FHAD1: variants seen among roughly 807,000 people sequenced by gnomAD.
FHAD1 encodes the protein forkhead-associated domain-containing protein 1.
In FHAD1, 146 loss-of-function variants were observed where a neutral mutation model predicts 191.3. The observed-to-expected ratio is 0.76, with a 90% CI of 0.67 to 0.88. The LOEUF is 0.88. Among genes scored for constraint, FHAD1 ranks in the 40% least tolerant of loss-of-function variants. The probability of loss-of-function intolerance (pLI) is 0.00; values close to 1 mark genes in which losing one functional copy is unlikely to be tolerated. For missense variants in FHAD1, 1,635 were observed against 1,785.8 expected, an observed-to-expected ratio of 0.92 and a Z score of 1.52; for synonymous variants, 616 against 672.3, an observed-to-expected ratio of 0.92 and a Z score of 1.29.
At chr1:15,346,053 C>T (rs1405802372) in intron 18 of FHAD1, among the ~76,000 whole-genome samples, 1 of 152,166 alleles carries the variant, frequency 6.6e-6, no homozygotes, top group Admixed American at 6.5e-5. Flanking sequence ...CCTGCGCTCC[C>T]ACAAGATACA....
In FHAD1 at chr1:15,293,490, A is replaced by C. The variant is rs113429474; in HGVS notation, c.569-3194A>C. ...ATCTCAGCACTTTGGGAGGCCAAGG[A>C]GGGCGAATCACAAGGTCGGGAGTCT... On this transcript the variant is annotated intron_variant, in intron 4 of 33. Transcript: ENST00000688493. Among the ~76,000 whole-genome samples the C allele has an allele frequency of 2.9e-3, 436 of 152,230 alleles. 4 individuals carry two copies. The Middle Eastern group carries it at 0.048, about 17-fold the overall frequency.
At chr1:15,306,259 G>T (rs1670463393) in intron 6 of FHAD1, among the ~76,000 whole-genome samples, 1 of 152,222 alleles carries the variant, frequency 6.6e-6, no homozygotes, top group African/African-American at 2.4e-5. Context: ...GTATCCAGCA[G>T]AAGAAATTTC....
rs1688380755 is a variant in FHAD1 at position 15,345,204 on chromosome 1, G to C, written c.2238+14G>C. On this transcript the variant is annotated intron_variant, in intron 17 of 33. Transcript: ENST00000688493. ...CAGCAGAAGAAGGTATGTGGCTCAG[G>C]GAGACAGAGTCAGCTCGAGCCCCAC... 6.5e-7 allele frequency: 1 copy of C among 1,545,892 alleles called. No homozygotes were observed. The highest frequency in any genetic ancestry group is 1.4e-5 in the African/African-American group (1 of 72,886).
Position 15,328,258 on chromosome 1 carries a change from T to G in FHAD1, c.1558-19T>G. 1 of 1,346,186 alleles carries G rather than the reference T, an allele frequency of 7.4e-7. No homozygotes were observed. 83.4% of individuals were successfully genotyped at this position (1,346,186 alleles called of 1,614,324 possible). A position where few individuals can be genotyped will look rare whatever the true frequency, so the allele number is the denominator to read the frequency against. On this transcript the variant is annotated intron_variant, in intron 12 of 33. Transcript: ENST00000688493. Reference sequence around the variant, plus strand: ...TGTTACATCTTTTTTTTTTTTTTCCTTTTTCTTTTTCTCACCAGTTAATAG... The same window carrying G: ...TGTTACATCTTTTTTTTTTTTTTCCGTTTTCTTTTTCTCACCAGTTAATAG...
intron 26 of FHAD1, among the ~76,000 whole-genome samples, chr1:15,373,871 A>G (rs1412915114): frequency 1.3e-5 from 2 of 152,074 alleles, no homozygotes; most frequent in African/African-American, 4.8e-5. Flanking sequence ...CAAAACAAAC[A>G]ACAAAAACAC....
At chr1:15,317,296 C>T (rs940221298) in intron 9 of FHAD1, among the ~76,000 whole-genome samples, 3 of 152,204 alleles carry the variant, frequency 2.0e-5, no homozygotes, top group African/African-American at 4.8e-5. Context: ...TGACGCCCTC[C>T]GAATCCACCC....
chr1:15,324,762 T>A, intron 11 of FHAD1: 1 of 582,106 alleles, frequency 1.7e-6, no homozygotes. Flanking sequence ...CTGGGAGGCC[T>A]CCCACTCGAA....
chr1:15,253,820 T>G (rs1337221984), intron 2 of FHAD1, among the ~76,000 whole-genome samples: 2 of 152,214 alleles, frequency 1.3e-5, no homozygotes, highest in Non-Finnish European at 2.9e-5. Flanking sequence ...TGGCTGGGAC[T>G]TCCAGTAGTC....
chr1:15,400,423 G>A (rs1707066343), downstream of FHAD1: 1 of 152,244 alleles, frequency 6.6e-6, no homozygotes, highest in South Asian at 2.1e-4. Flanking sequence ...TCTTGGCTGG[G>A]GCTGGATGGT....
intron 25 of FHAD1, among the ~76,000 whole-genome samples, chr1:15,367,970 G>T (rs528381117): frequency 6.6e-6 from 1 of 152,108 alleles, no homozygotes; most frequent in African/African-American, 2.4e-5. Context: ...TGTTGTTGTT[G>T]TTTGTTTGTT....
intron 2 of FHAD1, among the ~76,000 whole-genome samples, chr1:15,262,597 T>C (rs1445106649): frequency 6.6e-6 from 1 of 152,244 alleles, no homozygotes; most frequent in Non-Finnish European, 1.5e-5. Context: ...CACCAGCATA[T>C]GTTCTCAAGG....
intron 20 of FHAD1, 125 bp from the exon 21 acceptor site, chr1:15,357,985 T>A (rs1693437822): frequency 7.3e-6 from 5 of 688,226 alleles, no homozygotes; most frequent in Non-Finnish European, 1.2e-5. Context: ...ACTTTGTGCT[T>A]TAAAAGAATC....
chr1:15,237,743 T>C (rs867148809), intron 1 of FHAD1, among the ~76,000 whole-genome samples: 1 of 152,002 alleles, frequency 6.6e-6, no homozygotes. Context: ...GGGTAAAGTA[T>C]CAGAAAGAAA....
At position 15,345,139 on chromosome 1, in the gene FHAD1, A is replaced by G; in HGVS notation, c.2187A>G (p.Glu729=). 6.4e-7 allele frequency: 1 copy of G among 1,551,878 alleles called. No individual in the cohort carries two copies. The highest frequency in any genetic ancestry group is 8.7e-7 in the Non-Finnish European group (1 of 1,147,032). Residue 729 remains glutamate (E), a synonymous_variant, in exon 17 of 34, where the codon GAA becomes GAG. Coordinates refer to ENST00000688493, the MANE Select transcript of FHAD1 (RefSeq NM_001391957.1). ...ERNRAKETLE[E]ERKRMQELES... ...ACAGAGCGAAAGAGACTTTAGAGGA[A>G]GAACGGAAGAGAATGCAAGAACTGG... is the stretch of plus-strand genomic sequence containing the variant.
chr1:15,342,101 C>G (rs1200765197), intron 16 of FHAD1, among the ~76,000 whole-genome samples: 1 of 152,186 alleles, frequency 6.6e-6, no homozygotes, highest in African/African-American at 2.4e-5. Context: ...GAAAAGGCAG[C>G]ATGATTGAAA....
rs773564684 is a variant in FHAD1, at chr1:15,316,216, G to T, written c.1171-162G>T. Among the ~76,000 whole-genome samples the T allele has an allele frequency of 5.9e-5, 9 of 152,238 alleles. No homozygotes were observed. The highest frequency in any genetic ancestry group is 7.2e-5 in the African/African-American group (3 of 41,462). ...AACAGCTTTGGGATCCTGTGTGCCC[G>T]TCAGACACCATGGGATGCCTTTTGG... On this transcript the variant is annotated intron_variant, in intron 8 of 33. Coordinates refer to ENST00000688493, the MANE Select transcript of FHAD1 (RefSeq NM_001391957.1). This position sits in a 1 kb window ranked among gnomAD's most constrained non-coding sequence, Gnocchi z 4.3.
chr1:15,311,100 G>A lies in FHAD1; in HGVS notation c.1040-1957G>A, dbSNP rs898765482. 2.6e-5 allele frequency among the ~76,000 whole-genome samples: 4 copies of A among 152,202 alleles called. No homozygotes were observed. The highest frequency in any genetic ancestry group is 2.1e-4 in the South Asian group (1 of 4,830). The stretch of plus-strand genomic sequence containing the variant: ...CAAGATGAAATCTACGATTGCCCCC[G>A]GCTGGCTTGCGCTGGAGAGAGTTTC... On this transcript the variant is annotated intron_variant, in intron 7 of 33. Transcript: ENST00000688493. This position sits in a 1 kb window ranked among gnomAD's most constrained non-coding sequence, Gnocchi z 4.1.
At chr1:15,351,256 A>T (rs1482398407) in intron 19 of FHAD1, among the ~76,000 whole-genome samples, 1 of 152,132 alleles carries the variant, frequency 6.6e-6, no homozygotes, top group Non-Finnish European at 1.5e-5. Context: ...GAGGCAGGAG[A>T]ATCTCTTGAA....
At chr1:15,296,455 A>G (rs1416732627) in intron 4 of FHAD1, among the ~76,000 whole-genome samples, 1 of 152,094 alleles carries the variant, frequency 6.6e-6, no homozygotes, top group Non-Finnish European at 1.5e-5. Context: ...GGGTTTCACC[A>G]TGTTAGCCAG....
Sources: allele counts gnomAD v4.1 joint callset (sites outside exome capture counted in the v4.1 genomes callset), GRCh38; gene constraint gnomAD v4.1.1; non-coding constraint Gnocchi (gnomAD v3.1); transcripts MANE v1.5; gene names NCBI Gene and HGNC (gene_info 2026-07-23, HGNC 2026-07-21).